The following TEAD1 variants were observed in gnomAD, a reference collection of about 807,000 sequenced individuals.
TEAD1 encodes TEA domain transcription factor 1, also known as transcriptional enhancer factor TEF-1.
In TEAD1, 9 loss-of-function variants were observed where a neutral mutation model predicts 54.9. The ratio of observed to expected loss-of-function variants is 0.16; its 90% CI spans 0.10 to 0.29. The LOEUF is 0.29. Among genes scored for constraint, TEAD1 ranks in the 10% least tolerant of loss-of-function variants. The probability of loss-of-function intolerance (pLI) is 1.00; values close to 1 mark genes in which losing one functional copy is unlikely to be tolerated. For missense variants in TEAD1, 387 were observed against 535.9 expected (o/e 0.72, Z 2.74); for synonymous variants, 200 against 187.8 (o/e 1.07, Z -0.53).
intron 3 of TEAD1, among the ~76,000 whole-genome samples, chr11:12,837,763 C>T (rs1367079850): frequency 1.9e-5 from 2 of 106,212 alleles, no homozygotes; most frequent in Non-Finnish European, 4.0e-5. Context: ...TCTTCCTCTT[C>T]TTCTTCCTTC....
chr11:12,937,160 T>A lies in TEAD1; in HGVS notation c.1219T>A (p.Phe407Ile). 1 of 1,614,096 alleles carries A rather than the reference T, an allele frequency of 6.2e-7. No individual in the cohort carries two copies. Among genetic ancestry groups the A allele is most frequent in the African/African-American group, 1.3e-5 (1 of 75,044 alleles). ...AACTCTACTCTGCATGGCCTGTGTG[T>A]TTGAAGTTTCAAATAGTGAACACGG... Residue 407 changes from phenylalanine to isoleucine, a missense_variant, in exon 13 of 13, where the codon TTT becomes ATT. Phe to Ile is a conservative substitution (Grantham distance 21, BLOSUM62 0). This residue lies in a region of TEAD1 where 123 missense variants were observed against 199.0 expected (regional missense o/e 0.62). Coordinates refer to ENST00000527636, the MANE Select transcript of TEAD1 (RefSeq NM_021961.6).
chr11:12,766,241 G>A lies in TEAD1; in HGVS notation c.202+1807G>A, dbSNP rs543242918. On this transcript the variant is annotated intron_variant, in intron 3 of 12. Transcript: ENST00000527636. Reference sequence around the variant, plus strand: ...TAATTCAAAGCACAAGTTAACTTTTGTCAACTCCAATTTTGTATTGTTCTC... The same window carrying A: ...TAATTCAAAGCACAAGTTAACTTTTATCAACTCCAATTTTGTATTGTTCTC... Among the ~76,000 whole-genome samples, 5 of 152,336 alleles carry A rather than the reference G, an allele frequency of 3.3e-5. No individual in the cohort carries two copies. The East Asian group carries it at 9.6e-4, about 29-fold the overall frequency.
intron 10 of TEAD1, among the ~76,000 whole-genome samples, chr11:12,918,892 C>T (rs1948759629): frequency 6.6e-6 from 1 of 152,146 alleles, no homozygotes; most frequent in Non-Finnish European, 1.5e-5. Flanking sequence ...ACTGTAAACC[C>T]TGTTGCACTT....
At chr11:12,885,625 T>C (rs1184751724) in intron 9 of TEAD1, among the ~76,000 whole-genome samples, 1 of 152,202 alleles carries the variant, frequency 6.6e-6, no homozygotes, top group Non-Finnish European at 1.5e-5. Flanking sequence ...TCCAAGACAC[T>C]GGGAGGCAAA....
At chr11:12,702,362 C>T (rs946403742) in intron 2 of TEAD1, among the ~76,000 whole-genome samples, 2 of 152,182 alleles carry the variant, frequency 1.3e-5, no homozygotes, top group African/African-American at 2.4e-5. Context: ...ACTGTCCAGA[C>T]CAGTCCCTCG....
At chr11:12,802,073 T>G (rs916016068) in intron 3 of TEAD1, among the ~76,000 whole-genome samples, 2 of 152,226 alleles carry the variant, frequency 1.3e-5, no homozygotes, top group African/African-American at 4.8e-5. Context: ...CATTTCACAC[T>G]TGAGTTTAAG....
chr11:12,851,884 C>T (rs1244573567), intron 3 of TEAD1, among the ~76,000 whole-genome samples: 2 of 152,036 alleles, frequency 1.3e-5, no homozygotes, highest in Non-Finnish European at 2.9e-5. Context: ...GGTGCTTTAC[C>T]ATGGAGCAGT....
intron 3 of TEAD1, chr11:12,851,011 A>T: frequency 1.1e-6 from 1 of 890,686 alleles, no homozygotes; most frequent in African/African-American, 1.8e-5. Context: ...ATTTCAGGTG[A>T]TATTGGCAGT....
chr11:12,934,139 A>T (rs756504757), intron 12 of TEAD1, among the ~76,000 whole-genome samples: 1 of 152,240 alleles, frequency 6.6e-6, no homozygotes. Context: ...AACCAACCCA[A>T]ATGTCCAACA....
At chr11:12,770,541 T>C (rs1181263500) in intron 3 of TEAD1, among the ~76,000 whole-genome samples, 3 of 152,232 alleles carry the variant, frequency 2.0e-5, no homozygotes, top group South Asian at 4.1e-4. Context: ...TACCAGGCAC[T>C]TTCCCATTGC....
intron 3 of TEAD1, among the ~76,000 whole-genome samples, chr11:12,786,016 A>G (rs1285866895): frequency 1.3e-5 from 2 of 152,180 alleles, no homozygotes; most frequent in African/African-American, 4.8e-5. Flanking sequence ...TCAGCAACTC[A>G]GCCATGCAAT....
At chr11:12,758,202 A>C (rs909604411) in intron 2 of TEAD1, among the ~76,000 whole-genome samples, 1 of 151,608 alleles carries the variant, frequency 6.6e-6, no homozygotes, top group Non-Finnish European at 1.5e-5. Context: ...GGGAGGAGCA[A>C]TGACAAACCA....
At chr11:12,880,434 A>G (rs1219616760) in intron 6 of TEAD1, among the ~76,000 whole-genome samples, 3 of 152,162 alleles carry the variant, frequency 2.0e-5, no homozygotes, top group Admixed American at 1.3e-4. Context: ...TGGAATGGAT[A>G]GTGATGTCAA....
At chr11:12,894,726 C>T (rs1360574959) in intron 9 of TEAD1, among the ~76,000 whole-genome samples, 5 of 152,134 alleles carry the variant, frequency 3.3e-5, no homozygotes, top group African/African-American at 1.2e-4. Context: ...TTCATTTATG[C>T]TTTAAGTTTT....
chr11:12,858,712 G>A (rs1450499636), intron 3 of TEAD1, among the ~76,000 whole-genome samples: 1 of 152,200 alleles, frequency 6.6e-6, no homozygotes, highest in Non-Finnish European at 1.5e-5. Context: ...GTGAAGATGA[G>A]CTTTCAATGA....
At chr11:12,675,102 G>GGCCGGCCGCGCCGC (rs1304530965) in intron 1 of TEAD1, among the ~76,000 whole-genome samples, 4 of 146,676 alleles carry the variant, frequency 2.7e-5, no homozygotes, top group African/African-American at 9.8e-5. Context: ...GGCGGCCCCC[G>GGCCGGCCGCGCCGC]GCCGGCCGCG....
At chr11:12,882,254 T>C (rs1160957619) in intron 8 of TEAD1, among the ~76,000 whole-genome samples, 1 of 152,192 alleles carries the variant, frequency 6.6e-6, no homozygotes, top group East Asian at 1.9e-4. Flanking sequence ...TCTTCCTCAA[T>C]ATAAACTGGC....
intron 3 of TEAD1, among the ~76,000 whole-genome samples, chr11:12,814,426 C>G (rs948717593): frequency 1.3e-5 from 2 of 152,128 alleles, no homozygotes; most frequent in African/African-American, 4.8e-5. Flanking sequence ...ATCTTTGACC[C>G]CCTCAGGCCC....
chr11:12,790,591 A>G (rs1022677802), intron 3 of TEAD1, among the ~76,000 whole-genome samples: 3 of 152,236 alleles, frequency 2.0e-5, no homozygotes, highest in Non-Finnish European at 4.4e-5. Flanking sequence ...TTCATCTCCC[A>G]TATCCCCAGT....
Sources: gnomAD v4.1 joint callset for allele counts (sites outside exome capture counted in the v4.1 genomes callset) on GRCh38, gnomAD v4.1.1 for gene constraint, gnomAD v4.1.1 regional missense constraint, MANE v1.5 for transcripts, NCBI Gene and HGNC (gene_info 2026-07-23, HGNC 2026-07-21) for gene names.